Variants in DNAH17 observed in about 807,000 individuals in gnomAD.
DNAH17 encodes axonemal beta dynein heavy chain 17.
DNAH17 carries 376 observed loss-of-function variants against 485.6 expected under a neutral mutation model. The ratio of observed to expected loss-of-function variants is 0.77; its 90% CI spans 0.71 to 0.84. The LOEUF (loss-of-function observed/expected upper bound fraction) is 0.84. Among genes scored for constraint, DNAH17 ranks in the 40% least tolerant of loss-of-function variants. The pLI is 0.00. For synonymous variants in DNAH17, 3,031 were observed against 2,405.9 expected (o/e 1.26, Z -7.60); for missense variants, 6,370 against 5,839.3 (o/e 1.09, Z -2.96).
Position 78,437,841 on chromosome 17 carries a change from C to A in DNAH17, c.11833G>T (p.Gly3945Ter). 6.2e-7 allele frequency: 1 copy of A among 1,611,098 alleles called. No homozygotes were observed. The highest frequency in any genetic ancestry group is 2.2e-5 in the East Asian group (1 of 44,842). Reference sequence around the variant, plus strand: ...TGCTCCAGCTTCTTGTCCAGTGTTCCCAGCCACCGGGCCACCAGGTGGATA... The same window carrying A: ...TGCTCCAGCTTCTTGTCCAGTGTTCACAGCCACCGGGCCACCAGGTGGATA... The part of the protein sequence containing the change: ...QNIHLVARWL[G>*]TLDKKLEHYS... The change falls in exon 74 of 81, where the codon GGA becomes TGA. Residue 3945 changes from glycine (G) to a stop codon, truncating the protein, a stop_gained. Coordinates refer to ENST00000389840, the MANE Select transcript of DNAH17 (RefSeq NM_173628.4). LOFTEE classifies it high-confidence loss of function.
intron 56 of DNAH17, among the ~76,000 whole-genome samples, 173 bp downstream of exon 56, chr17:78,466,480 CCT>C (rs906500000): frequency 2.6e-4 from 39 of 152,302 alleles, no homozygotes; most frequent in African/African-American, 8.9e-4. Context: ...AAAAATAAAA[CCT>C]CACTTATCTT....
rs55900135 is a variant in DNAH17 at position 78,427,966 on chromosome 17, CAAAA to C, written c.12588+555_12588+558del. On this transcript the variant is annotated intron_variant, in intron 77 of 80. Coordinates refer to ENST00000389840, the MANE Select transcript of DNAH17 (RefSeq NM_173628.4). Reference sequence around the variant, plus strand: ...GGGCAACGAGAGCAAAACTCCGTCTCAAAAAAAAAAAAAAAAAAAAAAGTGGAGG... The same window carrying C: ...GGGCAACGAGAGCAAAACTCCGTCTCAAAAAAAAAAAAAAAAAAGTGGAGG... Among the ~76,000 whole-genome samples the C allele has an allele frequency of 1.9e-3, 187 of 98,198 alleles. 6 individuals carry two copies. The highest frequency in any genetic ancestry group is 8.2e-3 in the Admixed American group (76 of 9,248). 64.4% of individuals were successfully genotyped at this position (98,198 alleles called of 152,430 possible). A position where few individuals can be genotyped will look rare whatever the true frequency, so the allele number is the denominator to read the frequency against.
intron 48 of DNAH17, 113 bp downstream of exon 48, chr17:78,484,755 C>CCCCCCCCCCCCCCCCCCCCCCCCA (rs2146641546): frequency 3.1e-6 from 2 of 645,924 alleles, no homozygotes; most frequent in African/African-American, 1.9e-5. Context: ...CCCACCGCCC[C>CCCCCCCCCCCCCCCCCCCCCCCCA]ACACCAGTCC....
chr17:78,486,656 G>A (rs1230941103), intron 44 of DNAH17, 150 bp from the exon 45 acceptor site: 2 of 1,013,414 alleles, frequency 2.0e-6, no homozygotes, highest in Non-Finnish European at 2.8e-6. Flanking sequence ...GTCCAAACGA[G>A]GGTGCCAGAG....
At position 78,529,701 on chromosome 17, in the gene DNAH17, G is replaced by C; in HGVS notation, c.3285-7C>G. On this transcript the variant is annotated splice_polypyrimidine_tract_variant and splice_region_variant and intron_variant, in intron 21 of 80. Transcript: ENST00000389840. The stretch of plus-strand genomic sequence containing the variant: ...GGCTTCCAGGTCAGCCAGGCTAAGG[G>C]ACAAGGGGACCATTTGTGTGGCCCC... 2 of 1,613,308 alleles carry C rather than the reference G, an allele frequency of 1.2e-6. No homozygotes were observed. Among genetic ancestry groups the C allele is most frequent in the Non-Finnish European group, 1.7e-6 (2 of 1,179,428 alleles).
intron 62 of DNAH17, among the ~76,000 whole-genome samples, chr17:78,456,860 C>CA (rs760976418): frequency 2.6e-5 from 4 of 152,158 alleles, no homozygotes; most frequent in Non-Finnish European, 4.4e-5. Context: ...TCACAGCTGA[C>CA]AACTGGCCCA....
intron 69 of DNAH17, among the ~76,000 whole-genome samples, chr17:78,448,888 AG>A (rs2087427603): frequency 6.6e-6 from 1 of 152,236 alleles, no homozygotes; most frequent in African/African-American, 2.4e-5. Context: ...CAGGACCATG[AG>A]AAATAAATTT....
chr17:78,455,927 CAG>C (rs1380182312), intron 62 of DNAH17, 91 bp from the exon 63 acceptor site: 10 of 1,140,942 alleles, frequency 8.8e-6, no homozygotes, highest in South Asian at 6.1e-5. Context: ...TGTGAATCTT[CAG>C]AGTTTCCCGT....
Position 78,561,947 on chromosome 17 carries a change from G to A in DNAH17, c.1603C>T (p.Pro535Ser), listed in dbSNP as rs113616418. 1.2e-6 allele frequency: 2 copies of A among 1,611,810 alleles called. No homozygotes were observed. The highest frequency in any genetic ancestry group is 1.7e-6 in the Non-Finnish European group (2 of 1,179,024). Reference sequence around the variant, plus strand: ...GGCGCCACCTCGGCAAGAATCAGGGGCCGCTCCATGAGGCCCCCACACATG... The same window carrying A: ...GGCGCCACCTCGGCAAGAATCAGGGACCGCTCCATGAGGCCCCCACACATG... ...LYMCGGLMER[P>S]LILAEVAPRY... The change falls in exon 12 of 81, where the codon CCC becomes TCC. Residue 535 changes from proline to serine, a missense_variant. By Grantham distance (74) the Pro-to-Ser change is moderately conservative (BLOSUM62 -1). Transcript: ENST00000389840.
At chr17:78,557,237 C>T (rs374901885) in intron 14 of DNAH17, among the ~76,000 whole-genome samples, 31 of 152,152 alleles carry the variant, frequency 2.0e-4, no homozygotes, top group African/African-American at 7.5e-4. Flanking sequence ...TCCAGTCCTC[C>T]CCACATTAAC....
chr17:78,511,804 G>A (rs1175274723), intron 26 of DNAH17, among the ~76,000 whole-genome samples: 1 of 152,230 alleles, frequency 6.6e-6, no homozygotes, highest in Non-Finnish European at 1.5e-5. Flanking sequence ...TCCTTTCATG[G>A]AGATATTTAG....
chr17:78,464,787 G>A lies in DNAH17; in HGVS notation c.8941-1710C>T, dbSNP rs143653794. Among the ~76,000 whole-genome samples the A allele has an allele frequency of 2.0e-3, 301 of 152,334 alleles. 1 individual carries two copies. The highest frequency in any genetic ancestry group is 7.0e-3 in the African/African-American group (293 of 41,570). On this transcript the variant is annotated intron_variant, in intron 56 of 80. Coordinates refer to ENST00000389840, the MANE Select transcript of DNAH17 (RefSeq NM_173628.4). ...CTGGCCCTGGAGCCTTGGCTGCGCCGGGGCTGATTGGAAACCACCCCTCCC... is the reference window on the plus strand; with the variant it reads ...CTGGCCCTGGAGCCTTGGCTGCGCCAGGGCTGATTGGAAACCACCCCTCCC...
At chr17:78,450,146 G>T (rs564581425) in intron 68 of DNAH17, 108 bp downstream of exon 68, 3 of 1,360,010 alleles carry the variant, frequency 2.2e-6, no homozygotes, top group East Asian at 2.4e-5. Flanking sequence ...TGCCCTCTGA[G>T]GGTGGCCCTG....
At chr17:78,537,183 A>AG in intron 19 of DNAH17, 116 bp downstream of exon 19, 2 of 1,188,800 alleles carry the variant, frequency 1.7e-6, no homozygotes, top group East Asian at 2.7e-5. Flanking sequence ...GTCTCAAAAA[A>AG]AAAAAAAGAA....
intron 30 of DNAH17, among the ~76,000 whole-genome samples, chr17:78,505,828 C>A (rs4013607): frequency 1 from 151,981 of 152,130 alleles, 75,916 homozygotes; most frequent in Middle Eastern, 1. Flanking sequence ...AAAATACAAA[C>A]TTAGCCAGAC....
intron 16 of DNAH17, among the ~76,000 whole-genome samples, chr17:78,550,448 G>T (rs577251886): frequency 1.3e-5 from 2 of 152,274 alleles, no homozygotes; most frequent in African/African-American, 2.4e-5. Context: ...ATGGCATTTG[G>T]AGATGAGAGC....
rs2088479244 is a variant in DNAH17, at chr17:78,466,730, G to A, written c.8865C>T (p.Asp2955=). 1 of 1,613,146 alleles carries A rather than the reference G, an allele frequency of 6.2e-7. No homozygotes were observed. The highest frequency in any genetic ancestry group is 1.3e-5 in the African/African-American group (1 of 74,998). Residue 2955 remains aspartate, a synonymous_variant, in exon 56 of 81, where the codon GAC becomes GAT. Coordinates refer to ENST00000389840, the MANE Select transcript of DNAH17 (RefSeq NM_173628.4). ...CATCTTCCGGCCACTCGTGGAACCA[G>A]TCGATGGCCGTGCAGTTGACCACAG... ...FPAVVNCTAI[D]WFHEWPEDAL...
In DNAH17 at chr17:78,539,885, A is replaced by G. The variant is rs370751607; in HGVS notation, c.2533-5T>C. ...CCTGAATAGTTCTGCGTTTTCCTGC[A>G]AACAGAAGCGCACAGTTGGGCCTCA... On this transcript the variant is annotated splice_region_variant and splice_polypyrimidine_tract_variant and intron_variant, in intron 17 of 80. Transcript: ENST00000389840. 23 of 1,569,368 alleles carry G rather than the reference A, an allele frequency of 1.5e-5. No individual in the cohort carries two copies. In the African/African-American group the frequency reaches 2.9e-4, roughly 20 times the overall value.
Position 78,502,889 on chromosome 17 carries a change from G to GA in DNAH17, c.5078_5079insT (p.Gln1694ProfsTer27). On this transcript the variant is annotated frameshift_variant, in exon 32 of 81. Coordinates refer to ENST00000389840, the MANE Select transcript of DNAH17 (RefSeq NM_173628.4). LOFTEE classifies it high-confidence loss of function. Reference sequence around the variant, plus strand: ...CGAGCCCCCACCCGCCTCAGACCTGGGCTGGGTAGTCCAGGATCCACTGCT... The same window carrying GA: ...CGAGCCCCCACCCGCCTCAGACCTGGAGCTGGGTAGTCCAGGATCCACTGCT... 1.9e-6 allele frequency: 3 copies of GA among 1,613,774 alleles called. No individual in the cohort carries two copies. The South Asian group carries it at 3.3e-5, about 18-fold the overall frequency.
Sources: gnomAD v4.1 joint callset for allele counts (sites outside exome capture counted in the v4.1 genomes callset) on GRCh38, gnomAD v4.1.1 for gene constraint, MANE v1.5 for transcripts, NCBI Gene and HGNC (gene_info 2026-07-23, HGNC 2026-07-21) for gene names.